Variants in PTPRG observed in about 807,000 individuals in gnomAD.
The protein encoded by PTPRG is receptor-type tyrosine-protein phosphatase gamma.
A neutral mutation model predicts 165.3 loss-of-function variants in PTPRG; 102 were observed. That is an observed-to-expected ratio of 0.62 (90% CI 0.53 to 0.73). PTPRG has a LOEUF of 0.73. PTPRG is among the 30% of genes least tolerant of loss of function. PTPRG has a pLI of 0.00. For missense variants in PTPRG, 1,866 were observed against 1,861.4 expected, an observed-to-expected ratio of 1.00 and a Z score of -0.05; for synonymous variants, 675 against 669.5, an observed-to-expected ratio of 1.01 and a Z score of -0.13.
chr3:62,001,014 G>A (rs774193933), intron 3 of PTPRG, among the ~76,000 whole-genome samples: 73 of 152,208 alleles, frequency 4.8e-4, no homozygotes, highest in Non-Finnish European at 8.8e-4. Context: ...CCACTGTTAA[G>A]TGGCAGAATG....
In PTPRG at chr3:61,992,779, C is replaced by T. The variant is rs370102556; in HGVS notation, c.370+2975C>T. On this transcript the variant is annotated intron_variant, in intron 3 of 29. Coordinates refer to ENST00000474889, the MANE Select transcript of PTPRG (RefSeq NM_002841.4). ...TCAAGTGATCTGCCCGTCTCAGCCTCCCAAAGTGCTGGGATTACAGGCGTG... is the reference window on the plus strand; with the variant it reads ...TCAAGTGATCTGCCCGTCTCAGCCTTCCAAAGTGCTGGGATTACAGGCGTG... Among the ~76,000 whole-genome samples, 75 of 152,226 alleles carry T rather than the reference C, an allele frequency of 4.9e-4. No individual in the cohort carries two copies. The South Asian group carries it at 0.015, about 30-fold the overall frequency.
intron 1 of PTPRG, among the ~76,000 whole-genome samples, chr3:61,642,245 G>A (rs1000367920): frequency 2.6e-5 from 4 of 152,214 alleles, no homozygotes; most frequent in East Asian, 1.9e-4. Flanking sequence ...CCTTGGGGCC[G>A]TCAGCCTTGC....
intron 2 of PTPRG, among the ~76,000 whole-genome samples, chr3:61,932,334 C>T (rs1261860356): frequency 6.6e-6 from 1 of 152,166 alleles, no homozygotes; most frequent in Non-Finnish European, 1.5e-5. Context: ...CATAAAATTC[C>T]ATTTCATTTC....
chr3:62,148,375 A>T (rs548103023), intron 6 of PTPRG, among the ~76,000 whole-genome samples: 19 of 152,302 alleles, frequency 1.2e-4, no homozygotes, highest in South Asian at 4.1e-4. Flanking sequence ...CCCCATGGCC[A>T]CCATAAGGAG....
At chr3:61,752,013 G>A (rs1246443404) in intron 2 of PTPRG, among the ~76,000 whole-genome samples, 2 of 151,790 alleles carry the variant, frequency 1.3e-5, no homozygotes, top group Non-Finnish European at 2.9e-5. Flanking sequence ...AAAAGAAAAC[G>A]TTAACATAGT....
intron 2 of PTPRG, among the ~76,000 whole-genome samples, chr3:61,930,226 G>T (rs865984916): frequency 2.0e-4 from 30 of 152,152 alleles, no homozygotes; most frequent in African/African-American, 6.8e-4. Context: ...TCAGCTGTGT[G>T]TGTTTTTAGG....
At chr3:61,896,943 G>T (rs1409480206) in intron 2 of PTPRG, among the ~76,000 whole-genome samples, 1 of 136,186 alleles carries the variant, frequency 7.3e-6, no homozygotes, top group African/African-American at 3.2e-5. Context: ...TAAATTTTGA[G>T]AGGTTTTTTT....
At chr3:62,013,613 A>G (rs537587123) in intron 4 of PTPRG, among the ~76,000 whole-genome samples, 1 of 152,316 alleles carries the variant, frequency 6.6e-6, no homozygotes, top group Admixed American at 6.5e-5. Flanking sequence ...AATGATGGGT[A>G]TATTAATATG....
intron 2 of PTPRG, among the ~76,000 whole-genome samples, chr3:61,848,431 C>A (rs2036867345): frequency 6.6e-6 from 1 of 152,182 alleles, no homozygotes; most frequent in South Asian, 2.1e-4. Flanking sequence ...ACTTCACATT[C>A]AGTGAGTCAG....
At chr3:61,816,927 T>A (rs986741104) in intron 2 of PTPRG, among the ~76,000 whole-genome samples, 127 of 146,766 alleles carry the variant, frequency 8.7e-4, no homozygotes, top group African/African-American at 3.1e-3. Context: ...AAATGAAATA[T>A]AATGCTATGA....
At chr3:61,642,392 G>T (rs971301413) in intron 1 of PTPRG, among the ~76,000 whole-genome samples, 17 of 152,272 alleles carry the variant, frequency 1.1e-4, no homozygotes, top group Non-Finnish European at 2.1e-4. Flanking sequence ...TTCTGTTCTG[G>T]TGATAGATGC....
intron 10 of PTPRG, among the ~76,000 whole-genome samples, chr3:62,197,871 G>C (rs1434736552): frequency 6.6e-6 from 1 of 152,230 alleles, no homozygotes; most frequent in African/African-American, 2.4e-5. Flanking sequence ...AAAATGGCCA[G>C]TGTCTCCTTG....
chr3:61,840,761 TGGA>T (rs1327973987), intron 2 of PTPRG, among the ~76,000 whole-genome samples: 47 of 143,958 alleles, frequency 3.3e-4, no homozygotes, highest in African/African-American at 1.2e-3. Flanking sequence ...AAATTTCAGA[TGGA>T]GTTTTTTTTG....
At chr3:62,054,548 C>T (rs190217520) in intron 4 of PTPRG, among the ~76,000 whole-genome samples, 135 of 152,238 alleles carry the variant, frequency 8.9e-4, no homozygotes, top group Middle Eastern at 3.4e-3. Context: ...AGTGGTTCTT[C>T]TGGGTGTCAC....
At chr3:62,077,392 T>C (rs145228385) in intron 4 of PTPRG, among the ~76,000 whole-genome samples, 54 of 152,330 alleles carry the variant, frequency 3.5e-4, no homozygotes, top group African/African-American at 1.3e-3. Flanking sequence ...AGGCAAATTA[T>C]CGTCAAATTT....
intron 4 of PTPRG, among the ~76,000 whole-genome samples, chr3:62,018,552 G>T (rs917667271): frequency 2.0e-5 from 3 of 152,178 alleles, no homozygotes; most frequent in African/African-American, 7.2e-5. Context: ...TCTCAAAAAT[G>T]CCTGAAATTC....
chr3:62,172,615 C>G lies in PTPRG; in HGVS notation c.1033+4452C>G, dbSNP rs114121339. Among the ~76,000 whole-genome samples the G allele has an allele frequency of 4.3e-3, 659 of 152,174 alleles. 3 individuals are homozygous for G. The highest frequency in any genetic ancestry group is 0.014 in the African/African-American group (569 of 41,532). ...CAGGTAACTCAGCGCCACTATAGGC[C>G]AAAAGATGCTGACACATCATCAAAC... On this transcript the variant is annotated intron_variant, in intron 8 of 29. Coordinates refer to ENST00000474889, the MANE Select transcript of PTPRG (RefSeq NM_002841.4).
In PTPRG at chr3:61,856,582, G is replaced by A. The variant is rs186755680; in HGVS notation, c.190+107600G>A. Among the ~76,000 whole-genome samples the A allele has an allele frequency of 3.7e-4, 56 of 151,942 alleles. 1 individual carries two copies. The East Asian group carries it at 8.7e-3, about 24-fold the overall frequency. On this transcript the variant is annotated intron_variant, in intron 2 of 29. Coordinates refer to ENST00000474889, the MANE Select transcript of PTPRG (RefSeq NM_002841.4). ...ATTGCATGCATACAAGTGTATTCCC[G>A]TATTTTGATTCATTTTCTGCACTGT...
At chr3:62,131,814 T>C (rs73096538) in intron 5 of PTPRG, among the ~76,000 whole-genome samples, 13,902 of 152,278 alleles carry the variant, frequency 0.091, 916 homozygotes, top group East Asian at 0.33. Context: ...TGCTGTTCAC[T>C]CTTGGATTAT....
Sources: gnomAD v4.1 joint callset for allele counts (sites outside exome capture counted in the v4.1 genomes callset) on GRCh38, gnomAD v4.1.1 for gene constraint, MANE v1.5 for transcripts, NCBI Gene and HGNC (gene_info 2026-07-23, HGNC 2026-07-21) for gene names.